The following TPM1 variants were observed in gnomAD, a reference collection of about 807,000 sequenced individuals.
TPM1 encodes tropomyosin alpha-1 chain.
A neutral mutation model predicts 42.9 loss-of-function variants in TPM1; 24 were observed. The observed-to-expected ratio is 0.56, with a 90% CI of 0.41 to 0.79. TPM1 has a LOEUF of 0.79. Ranked by LOEUF, TPM1 falls within the 30% of genes least tolerant of loss-of-function variation. The pLI is 0.00. For missense variants in TPM1, 158 were observed against 351.8 expected, an observed-to-expected ratio of 0.45 and a Z score of 4.41; for synonymous variants, 136 against 130.1, an observed-to-expected ratio of 1.05 and a Z score of -0.31.
chr15:63,050,700 C>T (rs1198467737), intron 2 of TPM1, among the ~76,000 whole-genome samples: 1 of 152,196 alleles, frequency 6.6e-6, no homozygotes, highest in Non-Finnish European at 1.5e-5. Context: ...CCTTTTAAGA[C>T]AGCAACTTGA....
At position 63,062,283 on chromosome 15, in the gene TPM1, A is replaced by G. The variant is rs919873413; in HGVS notation, c.702+6A>G. ...TTTCCGACAAGCTGAAGGAGGTAAT[A>G]TGAGAGTTGTGGATGAAGCCAACTG... is the stretch of plus-strand genomic sequence containing the variant. On this transcript the variant is annotated splice_donor_region_variant and intron_variant, in intron 7 of 9. Transcript: ENST00000403994. The G allele has an allele frequency of 3.1e-6, 5 of 1,613,796 alleles. No individual in the cohort carries two copies. In the East Asian group the frequency reaches 6.7e-5, roughly 22 times the overall value.
chr15:63,059,591 CA>C lies in TPM1; in HGVS notation c.408del (p.Asp137MetfsTer12). 1 of 1,610,968 alleles carries C rather than the reference CA, an allele frequency of 6.2e-7. No homozygotes were observed. The highest frequency in any genetic ancestry group is 8.5e-7 in the Non-Finnish European group (1 of 1,178,164). On this transcript the variant is annotated frameshift_variant, in exon 4 of 10. Transcript: ENST00000403994. LOFTEE classifies it high-confidence loss of function. ...CATGAAAGTCATTGAGAGTCGAGCC[CA>C]AAAAGATGAAGAAAAAATGGAAATT... The part of the protein sequence containing the change: ...RGMKVIESRA[Q>X]KDEEKMEIQE...
Position 63,042,940 on chromosome 15 carries a change from G to A in TPM1, c.111G>A (p.Lys37=), listed in dbSNP as rs2140596743. The A allele has an allele frequency of 6.3e-7, 1 of 1,594,950 alleles. No individual in the cohort carries two copies. Among genetic ancestry groups the A allele is most frequent in the Non-Finnish European group, 8.5e-7 (1 of 1,170,776 alleles). The change falls in exon 1 of 10, where the codon AAG becomes AAA. Residue 37 remains lysine, a synonymous_variant. Coordinates refer to ENST00000403994, the MANE Select transcript of TPM1 (RefSeq NM_001018005.2). The part of the protein sequence containing the change: ...ADKKAAEDRS[K]QLEDELVSLQ... ...AGAAGGCGGCGGAAGACAGGAGCAA[G>A]CAGGTCTGCGCCTCCCCGGCCCTGC...
intron 3 of TPM1, 58 bp from the exon 4 acceptor site, chr15:63,059,505 G>A: frequency 7.4e-7 from 1 of 1,358,624 alleles, no homozygotes; most frequent in Non-Finnish European, 1.0e-6. Flanking sequence ...GCAGTGCAGT[G>A]TGCATTTGGG....
intron 5 of TPM1, 140 bp downstream of exon 5, chr15:63,061,079 G>A (rs2035553632): frequency 3.4e-6 from 5 of 1,458,870 alleles, no homozygotes; most frequent in East Asian, 4.5e-5. Context: ...TGAGCCACGA[G>A]TATGGAACAT....
chr15:63,044,208 G>A, intron 2 of TPM1, 56 bp downstream of exon 2: 1 of 1,613,696 alleles, frequency 6.2e-7, no homozygotes, highest in Non-Finnish European at 8.5e-7. Flanking sequence ...CCACTCCGGG[G>A]TCACCACAGG....
chr15:63,043,254 G>A, intron 1 of TPM1: 1 of 514,322 alleles, frequency 1.9e-6, no homozygotes, highest in Non-Finnish European at 3.6e-6. Flanking sequence ...CCCGGTTCCT[G>A]GGGACGTTTG....
intron 5 of TPM1, chr15:63,061,259 G>A: frequency 1.2e-6 from 2 of 1,614,192 alleles, no homozygotes; most frequent in Non-Finnish European, 1.7e-6. Flanking sequence ...AGCATTAATG[G>A]CTGCAGAGGA....
intron 4 of TPM1, 33 bp downstream of exon 4, chr15:63,059,713 C>A: frequency 6.7e-7 from 1 of 1,494,610 alleles, no homozygotes; most frequent in Non-Finnish European, 9.3e-7. Flanking sequence ...CTTGTGGACA[C>A]CCAGCAGTGG....
At position 63,042,960 on chromosome 15, in the gene TPM1, C is replaced by T; in HGVS notation, c.114+17C>T. On this transcript the variant is annotated intron_variant, in intron 1 of 9. Transcript: ENST00000403994. ...AGCAAGCAGGTCTGCGCCTCCCCGG[C>T]CCTGCGCCCGCGCCCAGAGCGCCGG... The T allele has an allele frequency of 6.3e-7, 1 of 1,576,300 alleles. No homozygotes were observed. The highest frequency in any genetic ancestry group is 8.6e-7 in the Non-Finnish European group (1 of 1,160,236).
chr15:63,043,001 C>T, intron 1 of TPM1, 58 bp downstream of exon 1: 3 of 1,463,910 alleles, frequency 2.0e-6, no homozygotes, highest in Non-Finnish European at 2.8e-6. Flanking sequence ...GAGCCTGGCA[C>T]CCCCGGCTGG....
chr15:63,062,938 G>C, intron 8 of TPM1: 8 of 1,442,610 alleles, frequency 5.5e-6, no homozygotes, highest in Non-Finnish European at 7.2e-6. Flanking sequence ...GTGCTTATTG[G>C]TGAGAATGAC....
In TPM1 at chr15:63,056,974, T is replaced by C; in HGVS notation, c.241-11T>C. ...TCCCCAACTCTGAAATGCTTTTCAC[T>C]CTCTACCTAGGCTGAAGCCGACGTA... is the stretch of plus-strand genomic sequence containing the variant. On this transcript the variant is annotated splice_polypyrimidine_tract_variant and intron_variant, in intron 2 of 9. Coordinates refer to ENST00000403994, the MANE Select transcript of TPM1 (RefSeq NM_001018005.2). 3 of 1,614,120 alleles carry C rather than the reference T, an allele frequency of 1.9e-6. No individual in the cohort carries two copies. Among genetic ancestry groups the C allele is most frequent in the Middle Eastern group, 1.6e-4 (1 of 6,062 alleles).
downstream of TPM1, among the ~76,000 whole-genome samples, chr15:63,067,626 A>C (rs756602826): frequency 1.3e-5 from 2 of 152,170 alleles, no homozygotes; most frequent in Admixed American, 6.5e-5. Flanking sequence ...GCACTAATGG[A>C]CTGGGAGGGC....
downstream of TPM1, among the ~76,000 whole-genome samples, chr15:63,067,512 T>A (rs949992312): frequency 3.3e-5 from 5 of 152,210 alleles, no homozygotes; most frequent in African/African-American, 1.2e-4. Context: ...CTGAAAGTTC[T>A]GCTGAGCAGA....
chr15:63,059,905 A>T, intron 4 of TPM1: 3 of 387,434 alleles, frequency 7.7e-6, no homozygotes, highest in Non-Finnish European at 1.5e-5. Flanking sequence ...ACTGCGAAGA[A>T]GGACCAAAAC....
downstream of TPM1, chr15:63,070,964 C>G (rs2036577605): frequency 3.3e-6 from 5 of 1,532,356 alleles, no homozygotes; most frequent in African/African-American, 2.8e-5. Context: ...TAATGTCTTA[C>G]AAGCATGCCT....
chr15:63,043,667 C>A, intron 1 of TPM1: 1 of 1,538,098 alleles, frequency 6.5e-7, no homozygotes, highest in South Asian at 1.2e-5. Context: ...AACACCCGGT[C>A]CGTGCCGGCC....
At chr15:63,069,599 C>T (rs903047818), downstream of TPM1, among the ~76,000 whole-genome samples, 5 of 152,230 alleles carry the variant, frequency 3.3e-5, no homozygotes, top group African/African-American at 7.2e-5. Context: ...ATTCACTCTT[C>T]TTCCTCCTCT....
Sources: gnomAD v4.1 joint callset for allele counts (sites outside exome capture counted in the v4.1 genomes callset) on GRCh38, gnomAD v4.1.1 for gene constraint, MANE v1.5 for transcripts, NCBI Gene and HGNC (gene_info 2026-07-23, HGNC 2026-07-21) for gene names.